Variants in TKT observed in about 807,000 individuals in gnomAD.
TKT encodes the protein epididymis luminal protein 107.
TKT carries 47 observed loss-of-function variants against 63.9 expected under a neutral mutation model. The ratio of observed to expected loss-of-function variants is 0.74; its 90% CI spans 0.58 to 0.94. The LOEUF is 0.94. Among genes scored for constraint, TKT ranks in the 40% least tolerant of loss-of-function variants. TKT has a pLI of 0.00. For missense variants in TKT, 721 were observed against 846.2 expected (o/e 0.85, Z 1.84); for synonymous variants, 338 against 334.1 (o/e 1.01, Z -0.13).
chr3:53,250,819 T>C (rs1436169391), intron 1 of TKT, among the ~76,000 whole-genome samples: 3 of 152,100 alleles, frequency 2.0e-5, no homozygotes, highest in Non-Finnish European at 4.4e-5. Flanking sequence ...GGTTTCACTG[T>C]TGCCCAGGCT....
chr3:53,228,809 T>G (rs1704614053), intron 10 of TKT, 198 bp downstream of exon 10: 1 of 748,552 alleles, frequency 1.3e-6, no homozygotes, highest in African/African-American at 1.8e-5. Flanking sequence ...GGCAATCAGT[T>G]GACAATGTCT....
At chr3:53,247,633 CAA>C (rs3075723) in intron 1 of TKT, among the ~76,000 whole-genome samples, 9 of 66,972 alleles carry the variant, frequency 1.3e-4, no homozygotes, top group Admixed American at 8.0e-4. Context: ...GACTCCACCT[CAA>C]AAAAAAAAAA....
At chr3:53,228,486 G>A (rs782047190) in intron 10 of TKT, 127 bp from the exon 11 acceptor site, 174 of 1,081,640 alleles carry the variant, frequency 1.6e-4, no homozygotes, top group Non-Finnish European at 2.3e-4. Flanking sequence ...TACTCCAGCA[G>A]GGAAAAGGGC....
chr3:53,239,615 C>A (rs895447552), intron 4 of TKT, among the ~76,000 whole-genome samples: 1 of 152,172 alleles, frequency 6.6e-6, no homozygotes, highest in East Asian at 1.9e-4. Context: ...ATCTGACCAC[C>A]GCAGACAAAC....
chr3:53,226,228 T>C, intron 13 of TKT: 1 of 333,744 alleles, frequency 3.0e-6, no homozygotes, highest in Non-Finnish European at 5.5e-6. Context: ...CCCAGAACTA[T>C]TTTTATAAGC....
At chr3:53,233,935 A>G (rs1704888691) in intron 5 of TKT, 1 of 152,232 alleles carries the variant, frequency 6.6e-6, no homozygotes, top group Admixed American at 6.5e-5. Context: ...CAGACAAATC[A>G]ACTGAGACAC....
At chr3:53,254,225 AAAGGTAG>A (rs1159410085) in intron 1 of TKT, among the ~76,000 whole-genome samples, 1 of 152,212 alleles carries the variant, frequency 6.6e-6, no homozygotes, top group Non-Finnish European at 1.5e-5. Context: ...TGAAACGGCC[AAAGGTAG>A]CAGGTCCAAC....
chr3:53,252,985 G>A (rs1006479311), intron 1 of TKT, among the ~76,000 whole-genome samples: 5 of 151,794 alleles, frequency 3.3e-5, no homozygotes, highest in Non-Finnish European at 5.9e-5. Flanking sequence ...GATTACAGGC[G>A]CCCGCCACCA....
intron 4 of TKT, among the ~76,000 whole-genome samples, chr3:53,239,012 G>T (rs1705156073): frequency 6.6e-6 from 1 of 152,192 alleles, no homozygotes; most frequent in Non-Finnish European, 1.5e-5. Context: ...GGGCCCAGCA[G>T]GAGATAACTG....
rs2242303 is a variant in TKT, at chr3:53,233,326, G to T, written c.630-52C>A. 2.8e-6 allele frequency: 4 copies of T among 1,448,794 alleles called. No individual in the cohort carries two copies. The Admixed American group carries it at 8.0e-5, about 29-fold the overall frequency. 89.7% of individuals were successfully genotyped at this position (1,448,794 alleles called of 1,614,324 possible). On this transcript the variant is annotated intron_variant, in intron 5 of 13. Coordinates refer to ENST00000462138, the MANE Select transcript of TKT (RefSeq NM_001064.4). ...GGCAATTCCCAGGGGCCACAACACC[G>T]AGGAGCCTTCCAGGGAAAGGTCTGC...
At chr3:53,230,399 C>T (rs1704693997) in intron 8 of TKT, 58 bp downstream of exon 8, 2 of 1,609,472 alleles carry the variant, frequency 1.2e-6, no homozygotes, top group African/African-American at 2.7e-5. Context: ...GCCCCGCACC[C>T]CTCAGACCAC....
At chr3:53,242,579 TCAGCCCAAGGCTAGCACTGCGGCTGGGGG>T (rs1553680147) in intron 1 of TKT, among the ~76,000 whole-genome samples, 1 of 152,192 alleles carries the variant, frequency 6.6e-6, no homozygotes, top group Non-Finnish European at 1.5e-5. Flanking sequence ...CACAGAAGAC[TCAGCCCAAGGCTAGCACTGCGGCTGGGGG>T]CAGCTGCTGT....
At chr3:53,231,231 G>A in intron 7 of TKT, 126 bp downstream of exon 7, 2 of 1,052,938 alleles carry the variant, frequency 1.9e-6, no homozygotes, top group South Asian at 1.6e-5. Flanking sequence ...CAACACCTCA[G>A]GGATCACTCC....
chr3:53,228,862 T>C (rs1270256779), intron 10 of TKT, 145 bp downstream of exon 10: 2 of 1,209,688 alleles, frequency 1.7e-6, no homozygotes, highest in South Asian at 1.5e-5. Flanking sequence ...TTTTTTCTTG[T>C]CTAACTTCCA....
intron 2 of TKT, among the ~76,000 whole-genome samples, chr3:53,241,645 C>G (rs564148116): frequency 1.3e-5 from 2 of 152,244 alleles, no homozygotes; most frequent in Non-Finnish European, 2.9e-5. Flanking sequence ...TTTCAGGGAT[C>G]TGTGGCTGTG....
chr3:53,245,060 T>C (rs1705447314), intron 1 of TKT, among the ~76,000 whole-genome samples: 1 of 151,670 alleles, frequency 6.6e-6, no homozygotes, highest in African/African-American at 2.4e-5. Flanking sequence ...TCCCAGCACT[T>C]TGGGAGGTCA....
rs1705977637 is a variant in TKT at position 53,255,975 on chromosome 3, GAC to G, written c.-35_-34del. ...CAGGCGGGGACCGGGCGCACACGCGGACACACAGAGATAGCGGCTGCTCCCGC... is the reference window on the plus strand; with the variant it reads ...CAGGCGGGGACCGGGCGCACACGCGGACACAGAGATAGCGGCTGCTCCCGC... On this transcript the variant is annotated 5_prime_UTR_variant, in exon 1 of 14. Transcript: ENST00000462138. 2.1e-6 allele frequency: 3 copies of G among 1,442,798 alleles called. No homozygotes were observed. Among genetic ancestry groups the G allele is most frequent in the Admixed American group, 4.3e-5 (2 of 46,628 alleles). 89.4% of individuals were successfully genotyped at this position (1,442,798 alleles called of 1,614,324 possible). A position where few individuals can be genotyped will look rare whatever the true frequency, so the allele number is the denominator to read the frequency against.
rs200118854 is a variant in TKT at position 53,240,258 on chromosome 3, T to C, written c.430A>G (p.Lys144Glu). Residue 144 changes from lysine to glutamate, a missense_variant, in exon 4 of 14, where the codon AAG (lysine) becomes GAG (glutamate). Physicochemically the swap from Lys to Glu is moderately conservative, Grantham distance 56. Transcript: ENST00000462138. ...GGGGAGTAGGTGTGTTACCTGGCCT[T>C]GTCGAAGTATTTGCCGGTGTAGGCC... ...GMAYTGKYFDKASYRVYCLLG... is the reference protein window; with the variant it reads ...GMAYTGKYFDEASYRVYCLLG... 6.9e-5 allele frequency: 112 copies of C among 1,612,500 alleles called. 3 individuals are homozygous for C. In the East Asian group the frequency reaches 7.6e-4, roughly 11 times the overall value.
chr3:53,237,862 T>A (rs112923046), intron 4 of TKT: 1 of 151,830 alleles, frequency 6.6e-6, no homozygotes, highest in Non-Finnish European at 1.5e-5. Context: ...GAGGCGGAGG[T>A]TGCAGTGGGC....
Sources: allele counts gnomAD v4.1 joint callset (sites outside exome capture counted in the v4.1 genomes callset), GRCh38; gene constraint gnomAD v4.1.1; transcripts MANE v1.5; gene names NCBI Gene and HGNC (gene_info 2026-07-23, HGNC 2026-07-21).